The following STYK1 variants were observed in gnomAD, a reference collection of about 807,000 sequenced individuals.
The protein encoded by STYK1 is tyrosine-protein kinase STYK1.
A neutral mutation model predicts 48.1 loss-of-function variants in STYK1; 46 were observed. The observed-to-expected ratio is 0.96, with a 90% CI of 0.75 to 1.22. The LOEUF is 1.22. Ranked by LOEUF, STYK1 falls within the 50% of genes most tolerant of loss-of-function variation. The pLI is 0.00. For synonymous variants in STYK1, 188 were observed against 189.0 expected, an observed-to-expected ratio of 0.99 and a Z score of 0.04; for missense variants, 527 against 521.1, an observed-to-expected ratio of 1.01 and a Z score of -0.11.
chr12:10,672,412 AT>A lies in STYK1; in HGVS notation c.-195+1553del. Among the ~76,000 whole-genome samples, 1 of 152,028 alleles carries A rather than the reference AT, an allele frequency of 6.6e-6. No individual in the cohort carries two copies. Among genetic ancestry groups the A allele is most frequent in the Non-Finnish European group, 1.5e-5 (1 of 67,976 alleles). ...TTTTCTTTCTTTTTCTTCCTCTTGT[AT>A]TTTTGGTAGAGATGGGTTTCGCCAA... On this transcript the variant is annotated intron_variant, in intron 1 of 10. Coordinates refer to ENST00000075503, the MANE Select transcript of STYK1 (RefSeq NM_018423.3). This position sits in a 1 kb window ranked among gnomAD's most constrained non-coding sequence, Gnocchi z 4.0.
intron 1 of STYK1, among the ~76,000 whole-genome samples, chr12:10,644,861 C>G (rs61912160): frequency 0.32 from 48,522 of 151,820 alleles, 8,733 homozygotes; most frequent in Non-Finnish European, 0.42. Context: ...TAAGGGAAGT[C>G]TGGACCAGAG....
chr12:10,642,709 C>T (rs1192153507), intron 1 of STYK1, among the ~76,000 whole-genome samples: 2 of 152,180 alleles, frequency 1.3e-5, no homozygotes, highest in Non-Finnish European at 2.9e-5. Flanking sequence ...ACTTTTTATA[C>T]TTCAACTAGG....
Position 10,633,991 on chromosome 12 carries a change from T to G in STYK1, c.186A>C (p.Gln62His). 1 of 1,613,608 alleles carries G rather than the reference T, an allele frequency of 6.2e-7. No individual in the cohort carries two copies. Among genetic ancestry groups the G allele is most frequent in the South Asian group, 1.1e-5 (1 of 90,982 alleles). The change falls in exon 4 of 11, where the codon CAA becomes CAC. Residue 62 changes from glutamine (Q) to histidine (H), a missense_variant and splice_region_variant. By Grantham distance (24) the Gln-to-His change is conservative (BLOSUM62 0). Coordinates refer to ENST00000075503, the MANE Select transcript of STYK1 (RefSeq NM_018423.3). Reference protein sequence around the residue: ...QRTQQQRSGPQGIAPVPPPRD... With the variant: ...QRTQQQRSGPHGIAPVPPPRD... ...CCAGCCCCAAAGTTTGAGCTTTACC[T>G]TGAGGTCCAGAACGCTGCTGTTGAG...
intron 1 of STYK1, among the ~76,000 whole-genome samples, chr12:10,669,007 C>G (rs1343893366): frequency 6.6e-6 from 1 of 151,892 alleles, no homozygotes; most frequent in Admixed American, 6.6e-5. Flanking sequence ...AATGAACTGG[C>G]AAAGGAAGAA....
At chr12:10,663,460 G>A (rs1049558049) in intron 1 of STYK1, among the ~76,000 whole-genome samples, 4 of 151,804 alleles carry the variant, frequency 2.6e-5, no homozygotes, top group East Asian at 1.9e-4. Flanking sequence ...TTAGCCAGGC[G>A]CGGTGACAGG....
At chr12:10,651,606 A>C (rs1225294664) in intron 1 of STYK1, among the ~76,000 whole-genome samples, 2 of 152,224 alleles carry the variant, frequency 1.3e-5, no homozygotes, top group Non-Finnish European at 2.9e-5. Context: ...ATATTCCTAT[A>C]ATAATTACTA....
intron 6 of STYK1, among the ~76,000 whole-genome samples, chr12:10,628,243 G>C (rs1335478281): frequency 1.3e-5 from 2 of 152,214 alleles, no homozygotes; most frequent in African/African-American, 2.4e-5. Context: ...ATATCTGTAA[G>C]TGCCATAAAG....
chr12:10,639,032 T>C (rs1369191323), intron 1 of STYK1, among the ~76,000 whole-genome samples: 1 of 152,032 alleles, frequency 6.6e-6, no homozygotes, highest in African/African-American at 2.4e-5. Flanking sequence ...AGACTAAAAG[T>C]GAGGAGGGTA....
chr12:10,636,102 C>T (rs570963597), intron 2 of STYK1, among the ~76,000 whole-genome samples: 1 of 152,140 alleles, frequency 6.6e-6, no homozygotes, highest in Non-Finnish European at 1.5e-5. Flanking sequence ...TTATGCTGTC[C>T]TCTATCATTA....
At chr12:10,634,216 C>G (rs1208670891) in intron 3 of STYK1, 92 bp from the exon 4 acceptor site, 1 of 1,440,546 alleles carries the variant, frequency 6.9e-7, no homozygotes, top group Non-Finnish European at 9.4e-7. Context: ...CTCAGCTCAT[C>G]ATACATGAAA....
intron 1 of STYK1, among the ~76,000 whole-genome samples, chr12:10,649,834 C>G (rs564363139): frequency 7.7e-4 from 117 of 152,176 alleles, no homozygotes; most frequent in African/African-American, 2.6e-3. Flanking sequence ...GGCTTCAGGC[C>G]GGGAGCAGTG....
At chr12:10,664,669 G>A (rs1285646783) in intron 1 of STYK1, among the ~76,000 whole-genome samples, 1 of 152,086 alleles carries the variant, frequency 6.6e-6, no homozygotes, top group Admixed American at 6.6e-5. Flanking sequence ...TAGTTCAAGT[G>A]AGCCTGTCTC....
At chr12:10,621,612 G>A (rs2120585684) in intron 10 of STYK1, among the ~76,000 whole-genome samples, 1 of 152,140 alleles carries the variant, frequency 6.6e-6, no homozygotes, top group African/African-American at 2.4e-5. Flanking sequence ...TTAGATTCCT[G>A]ATATAGTTCT....
chr12:10,630,779 C>T (rs1947417779), intron 5 of STYK1, among the ~76,000 whole-genome samples: 2 of 151,930 alleles, frequency 1.3e-5, no homozygotes, highest in Admixed American at 6.6e-5. Flanking sequence ...CCACAGCTAA[C>T]ATCTTACTCA....
At chr12:10,669,976 A>G (rs1188698806) in intron 1 of STYK1, among the ~76,000 whole-genome samples, 1 of 152,194 alleles carries the variant, frequency 6.6e-6, no homozygotes, top group African/African-American at 2.4e-5. Flanking sequence ...AAGATGAAAA[A>G]TAAGTGTTGG....
intron 1 of STYK1, among the ~76,000 whole-genome samples, chr12:10,659,533 T>C (rs1207113443): frequency 1.3e-5 from 2 of 151,946 alleles, no homozygotes; most frequent in Non-Finnish European, 2.9e-5. Context: ...ATGTAGTCCC[T>C]GTACAGGGTT....
At chr12:10,632,777 GAGAA>G (rs1947444216) in intron 4 of STYK1, among the ~76,000 whole-genome samples, 1 of 152,308 alleles carries the variant, frequency 6.6e-6, no homozygotes, top group Non-Finnish European at 1.5e-5. Flanking sequence ...CAGACTGTGA[GAGAA>G]AGAAAGGAGT....
intron 1 of STYK1, among the ~76,000 whole-genome samples, chr12:10,646,646 G>T (rs896700082): frequency 1.3e-5 from 2 of 152,234 alleles, no homozygotes; most frequent in African/African-American, 4.8e-5. Flanking sequence ...GTAACAAGGA[G>T]CCAAATGTTA....
rs183911560 is a variant in STYK1, at chr12:10,646,546, G to A, written c.-194-9350C>T. On this transcript the variant is annotated intron_variant, in intron 1 of 10. Coordinates refer to ENST00000075503, the MANE Select transcript of STYK1 (RefSeq NM_018423.3). ...TTTATAAGGGAAACAGAGCACAAAA[G>A]TTTGGAAAATTTGCAGCCTGACAAT... Among the ~76,000 whole-genome samples the A allele has an allele frequency of 5.8e-3, 878 of 152,304 alleles. 7 individuals carry two copies. The highest frequency in any genetic ancestry group is 9.3e-3 in the South Asian group (45 of 4,826).
Sources: gnomAD v4.1 joint callset for allele counts (sites outside exome capture counted in the v4.1 genomes callset) on GRCh38, gnomAD v4.1.1 for gene constraint, Gnocchi (gnomAD v3.1) non-coding constraint, MANE v1.5 for transcripts, NCBI Gene and HGNC (gene_info 2026-07-23, HGNC 2026-07-21) for gene names.